Variants in USP42 observed in about 807,000 individuals in gnomAD.
USP42 encodes ubiquitin carboxyl-terminal hydrolase 42.
A neutral mutation model predicts 113.0 loss-of-function variants in USP42; 23 were observed. That is an observed-to-expected ratio of 0.20 (90% CI 0.15 to 0.29). The LOEUF is 0.29. Among genes scored for constraint, USP42 ranks in the 10% least tolerant of loss-of-function variants. The pLI, the probability that USP42 is intolerant of heterozygous loss-of-function variation, is 1.00. For missense variants in USP42, 2,174 were observed against 1,779.8 expected (o/e 1.22, Z -3.99); for synonymous variants, 933 against 699.0 (o/e 1.33, Z -5.28).
At chr7:6,131,120 CT>C (rs1780828121) in intron 3 of USP42, among the ~76,000 whole-genome samples, 1 of 152,154 alleles carries the variant, frequency 6.6e-6, no homozygotes, top group Non-Finnish European at 1.5e-5. Context: ...TGCACGAACG[CT>C]GAGCCCTTTG....
intron 4 of USP42, 51 bp downstream of exon 4, chr7:6,136,002 CTTTTTTTTTT>C (rs11322306): frequency 1.8e-6 from 1 of 549,180 alleles, no homozygotes; most frequent in Non-Finnish European, 2.7e-6. Flanking sequence ...CCTAGTTATA[CTTTTTTTTTT>C]TTTTTTTTTC....
intron 2 of USP42, among the ~76,000 whole-genome samples, chr7:6,113,863 C>A (rs574079482): frequency 6.6e-6 from 1 of 151,642 alleles, no homozygotes; most frequent in Non-Finnish European, 1.5e-5. Flanking sequence ...CCTTGTGATC[C>A]GCCCGCCTCG....
In USP42 at chr7:6,143,034, G is replaced by C; in HGVS notation, c.878+20G>C. 1 of 1,613,436 alleles carries C rather than the reference G, an allele frequency of 6.2e-7. No homozygotes were observed. Among genetic ancestry groups the C allele is most frequent in the South Asian group, 1.1e-5 (1 of 91,038 alleles). On this transcript the variant is annotated intron_variant, in intron 8 of 17. Coordinates refer to ENST00000306177, the MANE Select transcript of USP42 (RefSeq NM_032172.3). The stretch of plus-strand genomic sequence containing the variant: ...CAGCAAGTACGTTGGGTGGTGACTT[G>C]ATTCTTGATGCCGGCTTCTCCAGTG...
intron 1 of USP42, among the ~76,000 whole-genome samples, chr7:6,109,984 C>T (rs1199709913): frequency 6.6e-6 from 1 of 151,874 alleles, no homozygotes; most frequent in African/African-American, 2.4e-5. Context: ...TACAGGTGTG[C>T]ACCACCATGC....
chr7:6,123,641 C>T (rs768026943), intron 3 of USP42, among the ~76,000 whole-genome samples: 14 of 151,566 alleles, frequency 9.2e-5, no homozygotes, highest in East Asian at 3.9e-4. Flanking sequence ...CCAGCCTGGG[C>T]GACAGCGAGA....
chr7:6,127,935 G>GT (rs1277166789), intron 3 of USP42, among the ~76,000 whole-genome samples: 1 of 151,704 alleles, frequency 6.6e-6, no homozygotes, highest in Non-Finnish European at 1.5e-5. Flanking sequence ...TGGTTTCTTT[G>GT]TTTTTGAGAC....
At chr7:6,134,642 A>G (rs1295296796) in intron 3 of USP42, among the ~76,000 whole-genome samples, 1 of 152,150 alleles carries the variant, frequency 6.6e-6, no homozygotes, top group Non-Finnish European at 1.5e-5. Context: ...GCTTCTCCCC[A>G]CTAGATGCTG....
In USP42 at chr7:6,154,174, C is replaced by T. The variant is rs752490177; in HGVS notation, c.2620C>T (p.His874Tyr). 1.5e-5 allele frequency: 24 copies of T among 1,597,088 alleles called. No individual in the cohort carries two copies. Among genetic ancestry groups the T allele is most frequent in the Non-Finnish European group, 2.0e-5 (24 of 1,173,162 alleles). Residue 874 changes from histidine (H) to tyrosine (Y), a missense_variant, in exon 15 of 18, where the codon CAC becomes TAC. Physicochemically the swap from His to Tyr is moderately conservative, Grantham distance 83. Coordinates refer to ENST00000306177, the MANE Select transcript of USP42 (RefSeq NM_032172.3). Reference protein sequence around the residue: ...EEPCEQPLLVHPSGDHARDAQ... With the variant: ...EEPCEQPLLVYPSGDHARDAQ... Reference sequence around the variant, plus strand: ...GCCCTGCGAGCAGCCACTCCTTGTTCACCCCAGCGGGGACCACGCCCGGGA... The same window carrying T: ...GCCCTGCGAGCAGCCACTCCTTGTTTACCCCAGCGGGGACCACGCCCGGGA...
At position 6,150,432 on chromosome 7, in the gene USP42, G is replaced by C; in HGVS notation, c.2127G>C (p.Leu709=). The C allele has an allele frequency of 1.9e-6, 3 of 1,613,952 alleles. No homozygotes were observed. Among genetic ancestry groups the C allele is most frequent in the African/African-American group, 1.3e-5 (1 of 75,048 alleles). Residue 709 remains leucine (L), a synonymous_variant, in exon 14 of 18, where the codon CTG becomes CTC. Transcript: ENST00000306177. The part of the protein sequence containing the change: ...LPGKLMPAPL[L]SLPEDKILET... Reference sequence around the variant, plus strand: ...TGCAGTTGATGCCTGCTCCTTTGCTGTCTCTCCCAGAAGACAAAATCTTAG... The same window carrying C: ...TGCAGTTGATGCCTGCTCCTTTGCTCTCTCTCCCAGAAGACAAAATCTTAG...
chr7:6,089,696 C>G, the USP42 span, among the ~76,000 whole-genome samples: 1 of 150,190 alleles, frequency 6.7e-6, no homozygotes, highest in Non-Finnish European at 1.5e-5. Context: ...CCACGCCTGG[C>G]TAATTTTTTT....
At chr7:6,111,471 T>C in intron 2 of USP42, 97 bp downstream of exon 2, 5 of 1,425,472 alleles carry the variant, frequency 3.5e-6, no homozygotes, top group Non-Finnish European at 4.7e-6. Context: ...TTGCAAGGCG[T>C]GAGGCCACCT....
Position 6,153,906 on chromosome 7 carries a change from C to G in USP42, c.2352C>G (p.Pro784=). 2 of 1,594,710 alleles carry G rather than the reference C, an allele frequency of 1.3e-6. No homozygotes were observed. Among genetic ancestry groups the G allele is most frequent in the Non-Finnish European group, 1.7e-6 (2 of 1,172,944 alleles). Residue 784 remains proline (P), a synonymous_variant, in exon 15 of 18, where the codon CCC becomes CCG. Coordinates refer to ENST00000306177, the MANE Select transcript of USP42 (RefSeq NM_032172.3). ...CGCCGCCCCGCGATCCCGGCACCCCCGCTACCAAAGAAGGCGCCTGGGAGG... is the reference window on the plus strand; with the variant it reads ...CGCCGCCCCGCGATCCCGGCACCCCGGCTACCAAAGAAGGCGCCTGGGAGG... ...KAPPPRDPGT[P]ATKEGAWEAM...
At chr7:6,095,163 G>A in the USP42 span, among the ~76,000 whole-genome samples, 1 of 151,156 alleles carries the variant, frequency 6.6e-6, no homozygotes, top group Admixed American at 6.6e-5. Flanking sequence ...GACTATTTGA[G>A]TATCACATTT....
At chr7:6,133,411 T>C (rs1045263126) in intron 3 of USP42, among the ~76,000 whole-genome samples, 2 of 152,262 alleles carry the variant, frequency 1.3e-5, no homozygotes, top group Admixed American at 1.3e-4. Context: ...CTGTGTTTTA[T>C]TATGGATATT....
At chr7:6,137,567 A>G (rs988854042) in intron 4 of USP42, among the ~76,000 whole-genome samples, 6 of 152,246 alleles carry the variant, frequency 3.9e-5, no homozygotes, top group Non-Finnish European at 7.3e-5. Flanking sequence ...CATGTTGGCC[A>G]GGCTGGCCTT....
At chr7:6,155,255 T>C (rs1037671207) in intron 15 of USP42, 60 bp downstream of exon 15, 3 of 1,460,110 alleles carry the variant, frequency 2.1e-6, no homozygotes, top group Non-Finnish European at 2.7e-6. Context: ...GTGGGGCCTG[T>C]CCCTTCTCAC....
chr7:6,150,902 G>A (rs1399409930), intron 14 of USP42, among the ~76,000 whole-genome samples: 5 of 152,140 alleles, frequency 3.3e-5, no homozygotes, highest in Admixed American at 6.5e-5. Flanking sequence ...ACATCCGTCC[G>A]TCCACAACAG....
At chr7:6,086,448 G>T in the USP42 span, among the ~76,000 whole-genome samples, 5 of 150,714 alleles carry the variant, frequency 3.3e-5, no homozygotes, top group South Asian at 1.0e-3. Context: ...ATCATGATCC[G>T]CCCACCTCGG....
intron 2 of USP42, among the ~76,000 whole-genome samples, chr7:6,114,911 C>T (rs573541612): frequency 6.6e-6 from 1 of 151,378 alleles, no homozygotes; most frequent in Admixed American, 6.6e-5. Flanking sequence ...AGGATGGTCT[C>T]GATCTCCTGA....
Sources: gnomAD v4.1 joint callset for allele counts (sites outside exome capture counted in the v4.1 genomes callset) on GRCh38, gnomAD v4.1.1 for gene constraint, MANE v1.5 for transcripts, NCBI Gene and HGNC (gene_info 2026-07-23, HGNC 2026-07-21) for gene names.